GABBR2: variants seen among roughly 807,000 people sequenced by gnomAD.
GABBR2 encodes the protein G-protein coupled receptor 51.
A neutral mutation model predicts 105.6 loss-of-function variants in GABBR2; 23 were observed. The observed-to-expected ratio is 0.22, with a 90% CI of 0.16 to 0.31. The LOEUF is 0.31. Among genes scored for constraint, GABBR2 ranks in the 10% least tolerant of loss-of-function variants. The probability of loss-of-function intolerance (pLI) is 1.00; values close to 1 mark genes in which losing one functional copy is unlikely to be tolerated. For synonymous variants in GABBR2, 478 were observed against 499.7 expected (o/e 0.96, Z 0.58); for missense variants, 734 against 1,245.5 (o/e 0.59, Z 6.18).
chr9:98,473,002 T>C (rs1199169728), intron 6 of GABBR2, 144 bp downstream of exon 6: 6 of 652,970 alleles, frequency 9.2e-6, no homozygotes, highest in Non-Finnish European at 1.6e-5. Flanking sequence ...ATACCACATT[T>C]TACAGGTACA....
At chr9:98,615,092 C>A (rs1829561135) in intron 1 of GABBR2, among the ~76,000 whole-genome samples, 1 of 152,224 alleles carries the variant, frequency 6.6e-6, no homozygotes, top group African/African-American at 2.4e-5. Context: ...GGGACAACCT[C>A]AGGTCAGCCC....
chr9:98,330,400 G>C (rs1476750698), intron 13 of GABBR2, among the ~76,000 whole-genome samples: 1 of 152,116 alleles, frequency 6.6e-6, no homozygotes, highest in Admixed American at 6.5e-5. Context: ...GGAGAGCAGG[G>C]ACAAAAAAAT....
At chr9:98,672,229 C>T (rs117347922) in intron 1 of GABBR2, among the ~76,000 whole-genome samples, 2 of 152,220 alleles carry the variant, frequency 1.3e-5, no homozygotes, top group Non-Finnish European at 2.9e-5. Context: ...TCTCCCCCAG[C>T]CCTGGCGACC....
At position 98,306,367 on chromosome 9, in the gene GABBR2, G is replaced by C. The variant is rs2304390; in HGVS notation, c.2005-22C>G. 3 of 1,568,786 alleles carry C rather than the reference G, an allele frequency of 1.9e-6. No individual in the cohort carries two copies. The highest frequency in any genetic ancestry group is 2.6e-6 in the Non-Finnish European group (3 of 1,140,512). Reference sequence around the variant, plus strand: ...ACAACTGAAATGGTGAACAGAAAGGGGAGAGATGATCGTTACCAAGGGGTG... The same window carrying C: ...ACAACTGAAATGGTGAACAGAAAGGCGAGAGATGATCGTTACCAAGGGGTG... On this transcript the variant is annotated intron_variant, in intron 14 of 18. Transcript: ENST00000259455. The surrounding 1 kb of genome is among the most constrained non-coding windows in gnomAD (Gnocchi z 5.4).
intron 6 of GABBR2, among the ~76,000 whole-genome samples, chr9:98,466,830 T>A (rs561958904): frequency 2.0e-5 from 3 of 152,332 alleles, no homozygotes; most frequent in Admixed American, 6.5e-5. Context: ...ATATAAAAGA[T>A]GTCTGTGGGG....
chr9:98,570,293 G>T (rs1417440913), intron 2 of GABBR2, among the ~76,000 whole-genome samples: 1 of 152,214 alleles, frequency 6.6e-6, no homozygotes, highest in East Asian at 1.9e-4. Context: ...TGGGAGAAAT[G>T]CATCTACAAT....
At chr9:98,614,047 T>C (rs895127131) in intron 1 of GABBR2, among the ~76,000 whole-genome samples, 1 of 152,212 alleles carries the variant, frequency 6.6e-6, no homozygotes, top group African/African-American at 2.4e-5. Context: ...AGGAGAATGA[T>C]ATTGAATAGC....
chr9:98,404,434 C>A (rs1449757376), intron 8 of GABBR2, among the ~76,000 whole-genome samples: 3 of 152,160 alleles, frequency 2.0e-5, no homozygotes, highest in African/African-American at 7.2e-5. Flanking sequence ...TGATCTGAAT[C>A]CTGGTGGGAT....
intron 7 of GABBR2, among the ~76,000 whole-genome samples, chr9:98,436,988 A>G (rs543990357): frequency 6.6e-6 from 1 of 152,272 alleles, no homozygotes; most frequent in Admixed American, 6.5e-5. Flanking sequence ...TTTCTCAAAG[A>G]GTAACTGGGT....
At chr9:98,409,895 C>A (rs1449566148) in intron 7 of GABBR2, among the ~76,000 whole-genome samples, 1 of 152,198 alleles carries the variant, frequency 6.6e-6, no homozygotes, top group Non-Finnish European at 1.5e-5. Context: ...GTATGCAAAT[C>A]TTTGTCTCAG....
chr9:98,454,066 C>A lies in GABBR2; in HGVS notation c.1151G>T (p.Arg384Leu), dbSNP rs1184728895. The A allele has an allele frequency of 2.5e-6, 4 of 1,614,170 alleles. No individual in the cohort carries two copies. The highest frequency in any genetic ancestry group is 2.5e-6 in the Non-Finnish European group (3 of 1,180,016). The change falls in exon 7 of 19, where the codon CGG becomes CTG. Residue 384 changes from arginine to leucine, a missense_variant. By Grantham distance (102) the Arg-to-Leu change is moderately radical. Transcript: ENST00000259455. This position sits in a 1 kb window ranked among gnomAD's most constrained non-coding sequence, Gnocchi z 4.6. ...GTCCGTGTAGTTGAAGTCCTGGATCCGCTGGTGCCGGCTGCTGGCATGCAG... is the reference window on the plus strand; with the variant it reads ...GTCCGTGTAGTTGAAGTCCTGGATCAGCTGGTGCCGGCTGCTGGCATGCAG... ...ETLHASSRHQ[R>L]IQDFNYTDHT...
intron 6 of GABBR2, among the ~76,000 whole-genome samples, chr9:98,472,532 G>T (rs1011676882): frequency 2.0e-5 from 3 of 152,104 alleles, no homozygotes; most frequent in Admixed American, 6.5e-5. Flanking sequence ...CCCCAGAAGG[G>T]GGTTATCACA....
chr9:98,665,193 TG>T (rs1830317411), intron 1 of GABBR2, among the ~76,000 whole-genome samples: 1 of 152,106 alleles, frequency 6.6e-6, no homozygotes, highest in Admixed American at 6.5e-5. Flanking sequence ...CGCCTGAGCC[TG>T]GGAGGTCCAG....
At chr9:98,550,998 A>G (rs1226312568) in intron 2 of GABBR2, among the ~76,000 whole-genome samples, 2 of 152,196 alleles carry the variant, frequency 1.3e-5, no homozygotes, top group African/African-American at 4.8e-5. Flanking sequence ...CCTGCTTGAC[A>G]GTGGATAGAT....
At chr9:98,537,433 G>A (rs1485903010) in intron 3 of GABBR2, among the ~76,000 whole-genome samples, 8 of 152,104 alleles carry the variant, frequency 5.3e-5, no homozygotes, top group Non-Finnish European at 1.2e-4. Context: ...ACTGGATTGT[G>A]GCGATGGTTG....
At chr9:98,337,930 G>A (rs1470902890) in intron 13 of GABBR2, among the ~76,000 whole-genome samples, 1 of 152,176 alleles carries the variant, frequency 6.6e-6, no homozygotes, top group African/African-American at 2.4e-5. Flanking sequence ...GCTGAGGCAG[G>A]AGAATTGCTT....
intron 1 of GABBR2, among the ~76,000 whole-genome samples, chr9:98,657,400 C>T (rs1449307422): frequency 6.6e-6 from 1 of 152,182 alleles, no homozygotes. Context: ...TCCCAGCAGG[C>T]GTTAACACAC....
At chr9:98,618,862 C>T (rs1332881942) in intron 1 of GABBR2, among the ~76,000 whole-genome samples, 3 of 152,192 alleles carry the variant, frequency 2.0e-5, no homozygotes, top group Non-Finnish European at 4.4e-5. Context: ...GGCTTCTGGT[C>T]CCAACTCTGT....
rs530181767 is a variant in GABBR2 at position 98,446,320 on chromosome 9, TA to T, written c.1236+7660del. Among the ~76,000 whole-genome samples, 68 of 152,304 alleles carry T rather than the reference TA, an allele frequency of 4.5e-4. No homozygotes were observed. The South Asian group carries it at 0.014, about 32-fold the overall frequency. Reference sequence around the variant, plus strand: ...GTAGTTCTTAGGTACTAAACATTATTATTTCCCACAGCCACACTTTGAAAGA... The same window carrying T: ...GTAGTTCTTAGGTACTAAACATTATTTTTCCCACAGCCACACTTTGAAAGA... On this transcript the variant is annotated intron_variant, in intron 7 of 18. Coordinates refer to ENST00000259455, the MANE Select transcript of GABBR2 (RefSeq NM_005458.8).
Sources: allele counts gnomAD v4.1 joint callset (sites outside exome capture counted in the v4.1 genomes callset), GRCh38; gene constraint gnomAD v4.1.1; non-coding constraint Gnocchi (gnomAD v3.1); transcripts MANE v1.5; gene names NCBI Gene and HGNC (gene_info 2026-07-23, HGNC 2026-07-21).